The following PCM1 variants were observed in gnomAD, a reference collection of about 807,000 sequenced individuals.
PCM1 encodes pericentriolar material 1 protein.
Under a neutral mutation model 241.9 loss-of-function variants are expected in PCM1, and 157 were observed. The ratio of observed to expected loss-of-function variants is 0.65; its 90% CI spans 0.57 to 0.74. The LOEUF (loss-of-function observed/expected upper bound fraction) is 0.74. Ranked by LOEUF, PCM1 falls within the 30% of genes least tolerant of loss-of-function variation. The pLI, the probability that PCM1 is intolerant of heterozygous loss-of-function variation, is 0.00. For missense variants in PCM1, 3,478 were observed against 2,360.1 expected (o/e 1.47, Z -9.81); for synonymous variants, 1,085 against 784.9 (o/e 1.38, Z -6.39).
At chr8:17,938,085 A>G (rs1387452252) in intron 4 of PCM1, among the ~76,000 whole-genome samples, 1 of 152,178 alleles carries the variant, frequency 6.6e-6, no homozygotes, top group Non-Finnish European at 1.5e-5. Flanking sequence ...AAAATACTAT[A>G]AGCAAGTAAT....
At chr8:17,924,634 A>G (rs1384672718) in intron 1 of PCM1, 79 bp from the exon 2 acceptor site, 1 of 152,232 alleles carries the variant, frequency 6.6e-6, no homozygotes, top group Non-Finnish European at 1.5e-5. Context: ...ACTTTAGACC[A>G]AAACTGAAGT....
chr8:17,937,804 TA>T (rs1424444036), intron 4 of PCM1, among the ~76,000 whole-genome samples: 3 of 152,148 alleles, frequency 2.0e-5, no homozygotes, highest in Non-Finnish European at 2.9e-5. Flanking sequence ...AGTTTAGATC[TA>T]AAAACAAGTA....
chr8:18,011,142 A>G (rs2092437699), intron 32 of PCM1, 95 bp from the exon 33 acceptor site: 4 of 773,148 alleles, frequency 5.2e-6, no homozygotes, highest in Non-Finnish European at 3.7e-6. Flanking sequence ...TGTATTTTTT[A>G]TTAGATAATG....
At chr8:17,928,842 G>C (rs1023795438) in intron 2 of PCM1, among the ~76,000 whole-genome samples, 2 of 151,890 alleles carry the variant, frequency 1.3e-5, no homozygotes, top group African/African-American at 4.8e-5. Flanking sequence ...GTTTGGAACA[G>C]GCTGGTCTCA....
At chr8:17,941,707 G>T (rs932392956) in intron 6 of PCM1, among the ~76,000 whole-genome samples, 3 of 152,110 alleles carry the variant, frequency 2.0e-5, no homozygotes, top group South Asian at 2.1e-4. Flanking sequence ...AGGGAATTCA[G>T]CTTCACAAGA....
rs1315523161 is a variant in PCM1 at position 17,991,666 on chromosome 8, T to C, written c.4656T>C (p.Gly1552=). The C allele has an allele frequency of 1.9e-6, 3 of 1,560,436 alleles. No individual in the cohort carries two copies. In the East Asian group the frequency reaches 7.1e-5, roughly 37 times the overall value. The change falls in exon 28 of 39, where the codon GGT becomes GGC. Residue 1552 remains glycine, a synonymous_variant. Transcript: ENST00000325083. ...CTCRIIEDGD[G]AGAGTTVNNL... Reference sequence around the variant, plus strand: ...GCAGGATTATTGAGGATGGAGATGGTGCTGGTGCAGGTACTACAGTTAATA... The same window carrying C: ...GCAGGATTATTGAGGATGGAGATGGCGCTGGTGCAGGTACTACAGTTAATA...
chr8:17,945,751 C>T (rs553251779), intron 6 of PCM1, among the ~76,000 whole-genome samples: 5 of 152,216 alleles, frequency 3.3e-5, no homozygotes, highest in African/African-American at 9.6e-5. Context: ...CATAATTTCT[C>T]TGGGAATCAA....
intron 18 of PCM1, among the ~76,000 whole-genome samples, chr8:17,965,493 AG>A (rs2074488319): frequency 6.6e-6 from 1 of 152,254 alleles, no homozygotes; most frequent in African/African-American, 2.4e-5. Context: ...TTGTTCCAGT[AG>A]ATCCAGGTAA....
chr8:17,945,633 C>T (rs2063507240), intron 6 of PCM1, among the ~76,000 whole-genome samples: 1 of 152,142 alleles, frequency 6.6e-6, no homozygotes, highest in Non-Finnish European at 1.5e-5. Context: ...TACTCATGCT[C>T]ATTCACAATA....
At position 18,011,720 on chromosome 8, in the gene PCM1, GA is replaced by G; in HGVS notation, c.5408del (p.Asn1803MetfsTer67). Reference sequence around the variant, plus strand: ...AACTAATTATGGAAGTGGAGAAGATGAAAATGAGGATGAAGAAATGGAAGAA... The same window carrying G: ...AACTAATTATGGAAGTGGAGAAGATGAAATGAGGATGAAGAAATGGAAGAA... ...ALTNYGSGED[E>X]NEDEEMEEFE... On this transcript the variant is annotated frameshift_variant, in exon 34 of 39. Transcript: ENST00000325083. LOFTEE classifies it high-confidence loss of function. 1.2e-6 allele frequency: 2 copies of G among 1,613,178 alleles called. No homozygotes were observed. Among genetic ancestry groups the G allele is most frequent in the Non-Finnish European group, 1.7e-6 (2 of 1,179,416 alleles).
At position 18,006,415 on chromosome 8, in the gene PCM1, T is replaced by A. The variant is rs987322298; in HGVS notation, c.4962+18T>A. The A allele has an allele frequency of 1.3e-6, 2 of 1,575,564 alleles. No individual in the cohort carries two copies. The highest frequency in any genetic ancestry group is 1.1e-5 in the South Asian group (1 of 90,102). On this transcript the variant is annotated intron_variant, in intron 30 of 38. Transcript: ENST00000325083. Reference sequence around the variant, plus strand: ...TATTACAGGTAAGAGTTTATACTTGTATGATTTACCAATATGTACTGTGTG... The same window carrying A: ...TATTACAGGTAAGAGTTTATACTTGAATGATTTACCAATATGTACTGTGTG...
Position 17,935,595 on chromosome 8 carries a change from A to G in PCM1, c.-16A>G, listed in dbSNP as rs754415176. ...TTCTTAACTTGTTTCGCAGAGAGTT[A>G]ATTGTTAAATCCAGTATGGCCACAG... On this transcript the variant is annotated 5_prime_UTR_variant, in exon 3 of 39. Transcript: ENST00000325083. 8 of 1,171,530 alleles carry G rather than the reference A, an allele frequency of 6.8e-6. No homozygotes were observed. The highest frequency in any genetic ancestry group is 6.4e-6 in the Non-Finnish European group (5 of 778,164). 72.6% of individuals were successfully genotyped at this position (1,171,530 alleles called of 1,614,324 possible).
Position 18,029,194 on chromosome 8 carries a change from G to GT in PCM1, c.*1533dup, listed in dbSNP as rs1272756722. 5.7e-6 allele frequency: 1 copy of GT among 175,506 alleles called. No homozygotes were observed. The highest frequency in any genetic ancestry group is 9.4e-5 in the East Asian group (1 of 10,660). 10.9% of individuals were successfully genotyped at this position (175,506 alleles called of 1,614,324 possible). On this transcript the variant is annotated 3_prime_UTR_variant, in exon 39 of 39. Coordinates refer to ENST00000325083, the MANE Select transcript of PCM1 (RefSeq NM_006197.4). ...AAAAAAAAAAAAAAGTTAACTTGCT[G>GT]TATACCTCAGTGTAATGTCCATTCA...
At chr8:18,002,744 C>T (rs1460795243) in intron 29 of PCM1, among the ~76,000 whole-genome samples, 1 of 119,948 alleles carries the variant, frequency 8.3e-6, no homozygotes, top group Non-Finnish European at 1.6e-5. Context: ...CTGTTGTTTC[C>T]TGACTTTTTA....
In PCM1 at chr8:18,028,268, GATA is replaced by G. The variant is rs1485320875; in HGVS notation, c.*611_*613del. 2 of 187,026 alleles carry G rather than the reference GATA, an allele frequency of 1.1e-5. No homozygotes were observed. Among genetic ancestry groups the G allele is most frequent in the Non-Finnish European group, 2.3e-5 (2 of 88,768 alleles). The allele number at this position is 187,026 out of a possible 1,614,324, so 11.6% of individuals were successfully genotyped here. A position where few individuals can be genotyped will look rare whatever the true frequency, so the allele number is the denominator to read the frequency against. ...AATATTTATTAATCCATTGAAATTG[GATA>G]ATAAGTTTAGAACATAGGTTCTCAG... is the stretch of plus-strand genomic sequence containing the variant. On this transcript the variant is annotated 3_prime_UTR_variant, in exon 39 of 39. Transcript: ENST00000325083.
intron 3 of PCM1, among the ~76,000 whole-genome samples, chr8:17,936,876 G>T (rs1196122809): frequency 1.3e-5 from 2 of 152,114 alleles, no homozygotes; most frequent in African/African-American, 4.8e-5. Flanking sequence ...TTTAGGGTTG[G>T]CATTTGAGGA....
intron 1 of PCM1, among the ~76,000 whole-genome samples, chr8:17,924,276 A>G (rs1457256760): frequency 6.6e-6 from 1 of 152,218 alleles, no homozygotes; most frequent in Admixed American, 6.5e-5. Context: ...TAAACCTGGT[A>G]TTTATGTAGT....
chr8:17,963,364 C>T (rs925588514), intron 17 of PCM1, 73 bp downstream of exon 17: 2 of 1,068,614 alleles, frequency 1.9e-6, no homozygotes, highest in Non-Finnish European at 2.7e-6. Context: ...TAGGCAGCCA[C>T]ATTTCTCCTC....
At chr8:17,962,902 C>CA (rs376483193) in intron 16 of PCM1, 199 bp from the exon 17 acceptor site, 36,151 of 344,684 alleles carry the variant, frequency 0.1, 16 homozygotes, top group South Asian at 0.14. Flanking sequence ...GACTCTGTCT[C>CA]AAAAAAAAAA....
Sources: gnomAD v4.1 joint callset for allele counts (sites outside exome capture counted in the v4.1 genomes callset) on GRCh38, gnomAD v4.1.1 for gene constraint, MANE v1.5 for transcripts, NCBI Gene and HGNC (gene_info 2026-07-23, HGNC 2026-07-21) for gene names.